The following ACSS3 variants were observed in gnomAD, a reference collection of about 807,000 sequenced individuals.
ACSS3 encodes the protein acyl-CoA synthetase short-chain family member 3, mitochondrial.
ACSS3 carries 64 observed loss-of-function variants against 84.2 expected under a neutral mutation model. That is an observed-to-expected ratio of 0.76 (90% CI 0.62 to 0.94). ACSS3 has a LOEUF of 0.94. Among genes scored for constraint, ACSS3 ranks in the 40% least tolerant of loss-of-function variants. The probability of loss-of-function intolerance (pLI) is 0.00; values close to 1 mark genes in which losing one functional copy is unlikely to be tolerated. For synonymous variants in ACSS3, 317 were observed against 310.1 expected (o/e 1.02, Z -0.23); for missense variants, 815 against 867.6 (o/e 0.94, Z 0.76).
At chr12:81,200,091 C>A (rs892830916) in intron 9 of ACSS3, among the ~76,000 whole-genome samples, 21 of 152,134 alleles carry the variant, frequency 1.4e-4, no homozygotes, top group Non-Finnish European at 4.4e-5. Flanking sequence ...CCCTGGGAAA[C>A]AAATTTTCAT....
rs117965125 is a variant in ACSS3 at position 81,145,819 on chromosome 12, A to C, written c.921+2572A>C. On this transcript the variant is annotated intron_variant, in intron 5 of 15. Transcript: ENST00000548058. ...GAGTTGGTGATGAGAGTCTGAGCCC[A>C]AGAGTTACACATATGGGGTTGGAGA... Among the ~76,000 whole-genome samples, 956 of 152,352 alleles carry C rather than the reference A, an allele frequency of 6.3e-3. 8 individuals are homozygous for C. Among genetic ancestry groups the C allele is most frequent in the Middle Eastern group, 0.017 (5 of 294 alleles).
intron 13 of ACSS3, among the ~76,000 whole-genome samples, chr12:81,234,265 A>T (rs2033557571): frequency 1.3e-5 from 2 of 151,356 alleles, no homozygotes; most frequent in South Asian, 4.1e-4. Context: ...TTCATCGTGC[A>T]GCTGTACTAA....
intron 2 of ACSS3, 26 bp downstream of exon 2, chr12:81,109,730 A>G (rs1194549714): frequency 2.7e-6 from 4 of 1,503,710 alleles, no homozygotes; most frequent in East Asian, 2.3e-5. Flanking sequence ...TTATATATGT[A>G]TATATGAATT....
chr12:81,139,931 G>A (rs36049542), intron 4 of ACSS3, among the ~76,000 whole-genome samples: 52,959 of 151,824 alleles, frequency 0.35, 11,689 homozygotes, highest in Non-Finnish European at 0.5. Context: ...CACCGCGCCC[G>A]GCCATATTTT....
chr12:81,210,327 C>T (rs1318416359), intron 9 of ACSS3, among the ~76,000 whole-genome samples: 3 of 152,054 alleles, frequency 2.0e-5, no homozygotes, highest in African/African-American at 4.8e-5. Context: ...AGAGGAGCTT[C>T]GTCAGAAAGC....
At chr12:81,080,805 G>A (rs1019821227) in intron 1 of ACSS3, among the ~76,000 whole-genome samples, 1 of 152,194 alleles carries the variant, frequency 6.6e-6, no homozygotes, top group African/African-American at 2.4e-5. Flanking sequence ...TTTAAAGTGA[G>A]AGTCAACTAA....
chr12:81,149,757 C>T (rs10492003), intron 5 of ACSS3, among the ~76,000 whole-genome samples: 107,264 of 152,070 alleles, frequency 0.71, 38,178 homozygotes, highest in Non-Finnish European at 0.76. Context: ...GAATCTTTGA[C>T]GGCAACCTCT....
intron 9 of ACSS3, among the ~76,000 whole-genome samples, chr12:81,206,208 T>C (rs1334004792): frequency 6.6e-6 from 1 of 152,114 alleles, no homozygotes; most frequent in Non-Finnish European, 1.5e-5. Flanking sequence ...TCTGAGTCTA[T>C]CAAAATTGCA....
At chr12:81,204,536 A>AT (rs752178297) in intron 9 of ACSS3, among the ~76,000 whole-genome samples, 1 of 152,152 alleles carries the variant, frequency 6.6e-6, no homozygotes, top group Non-Finnish European at 1.5e-5. Flanking sequence ...GTTTAATGTT[A>AT]TTTAATCCTA....
chr12:81,150,608 T>C (rs1227942777), intron 5 of ACSS3, among the ~76,000 whole-genome samples: 1 of 152,198 alleles, frequency 6.6e-6, no homozygotes, highest in Non-Finnish European at 1.5e-5. Flanking sequence ...TCATACAATC[T>C]AGAAAATAGC....
At chr12:81,163,057 C>G (rs1565698952) in intron 7 of ACSS3, among the ~76,000 whole-genome samples, 1 of 151,926 alleles carries the variant, frequency 6.6e-6, no homozygotes, top group Non-Finnish European at 1.5e-5. Context: ...GATCCTATCC[C>G]ACCAGCTTGG....
intron 12 of ACSS3, 80 bp from the exon 13 acceptor site, chr12:81,233,269 T>G: frequency 6.8e-7 from 1 of 1,466,356 alleles, no homozygotes; most frequent in Non-Finnish European, 9.3e-7. Flanking sequence ...TTCTATTACA[T>G]TGTGTGTTTT....
At chr12:81,209,407 T>G (rs61934662) in intron 9 of ACSS3, among the ~76,000 whole-genome samples, 1 of 148,982 alleles carries the variant, frequency 6.7e-6, no homozygotes, top group Non-Finnish European at 1.5e-5. Flanking sequence ...AAAAAAAAAT[T>G]ACTCCAGAAC....
At position 81,254,968 on chromosome 12, in the gene ACSS3, GAAATT is replaced by G; in HGVS notation, c.*53_*57del. 7.1e-7 allele frequency: 1 copy of G among 1,409,262 alleles called. No individual in the cohort carries two copies. The highest frequency in any genetic ancestry group is 9.7e-7 in the Non-Finnish European group (1 of 1,034,886). The allele number at this position is 1,409,262 out of a possible 1,614,324, so 87.3% of individuals were successfully genotyped here. A position where few individuals can be genotyped will look rare whatever the true frequency, so the allele number is the denominator to read the frequency against. On this transcript the variant is annotated 3_prime_UTR_variant, in exon 16 of 16. Transcript: ENST00000548058. ...TTTGAGTTGATTTAATTTCTTAATT[GAAATT>G]AAATTATTTGAGTTGTTTCTCAGAA...
intron 1 of ACSS3, among the ~76,000 whole-genome samples, chr12:81,106,757 G>T (rs1407104526): frequency 6.6e-6 from 1 of 152,122 alleles, no homozygotes; most frequent in African/African-American, 2.4e-5. Flanking sequence ...TGAGTGAATG[G>T]GGTCAGGTCT....
At chr12:81,189,210 T>G (rs971786972) in intron 8 of ACSS3, among the ~76,000 whole-genome samples, 1 of 152,162 alleles carries the variant, frequency 6.6e-6, no homozygotes, top group African/African-American at 2.4e-5. Context: ...CTTTTTGGTG[T>G]CCATACACAT....
At chr12:81,144,025 C>T (rs1346156112) in intron 5 of ACSS3, among the ~76,000 whole-genome samples, 9 of 152,066 alleles carry the variant, frequency 5.9e-5, no homozygotes, top group South Asian at 2.1e-4. Flanking sequence ...TAGTAGGGGA[C>T]GGGACTTTCA....
intron 9 of ACSS3, among the ~76,000 whole-genome samples, chr12:81,215,383 G>A (rs10778804): frequency 0.17 from 25,290 of 152,160 alleles, 2,369 homozygotes; most frequent in Non-Finnish European, 0.21. Context: ...CTTAGGAACT[G>A]TGTTTTGATG....
chr12:81,208,343 G>C (rs539924076), intron 9 of ACSS3, among the ~76,000 whole-genome samples: 1 of 152,262 alleles, frequency 6.6e-6, no homozygotes, highest in Non-Finnish European at 1.5e-5. Context: ...CGGGAGCTCT[G>C]ATTTATAGAG....
Sources: allele counts gnomAD v4.1 joint callset (sites outside exome capture counted in the v4.1 genomes callset), GRCh38; gene constraint gnomAD v4.1.1; transcripts MANE v1.5; gene names NCBI Gene and HGNC (gene_info 2026-07-23, HGNC 2026-07-21).